SYN2: variants seen among roughly 807,000 people sequenced by gnomAD.
The protein encoded by SYN2 is synapsin-2.
SYN2 carries 19 observed loss-of-function variants against 50.9 expected under a neutral mutation model. That is an observed-to-expected ratio of 0.37 (90% CI 0.26 to 0.55). The LOEUF is 0.55. SYN2 is among the 20% of genes least tolerant of loss of function. SYN2 has a pLI of 0.81. For synonymous variants in SYN2, 255 were observed against 224.9 expected, an observed-to-expected ratio of 1.13 and a Z score of -1.20; for missense variants, 587 against 576.4, an observed-to-expected ratio of 1.02 and a Z score of -0.19.
At chr3:12,090,592 T>C (rs964873541) in intron 1 of SYN2, among the ~76,000 whole-genome samples, 7 of 152,202 alleles carry the variant, frequency 4.6e-5, no homozygotes, top group African/African-American at 1.7e-4. Flanking sequence ...CAACTTTTAG[T>C]AACTGAGGCT....
In SYN2 at chr3:12,187,488, G is replaced by C; in HGVS notation, c.1489G>C (p.Ala497Pro). The C allele has an allele frequency of 6.4e-7, 1 of 1,553,500 alleles. No homozygotes were observed. The highest frequency in any genetic ancestry group is 8.7e-7 in the Non-Finnish European group (1 of 1,147,758). ...TTCCTCCTCTTCTTCCTCCTCCTCG[G>C]CTCCTCAGCGGCCGGGCGGCCCCAC... is the stretch of plus-strand genomic sequence containing the variant. ...SSSSSSSSSS[A>P]PQRPGGPTTH... is the part of the protein sequence containing the mutation. The change falls in exon 12 of 13, where the codon GCT becomes CCT. Residue 497 changes from alanine to proline, a missense_variant. By Grantham distance (27) the Ala-to-Pro change is conservative. Coordinates refer to ENST00000621198, the MANE Select transcript of SYN2 (RefSeq NM_133625.6).
chr3:12,038,015 C>T (rs996263086), intron 1 of SYN2, among the ~76,000 whole-genome samples: 2 of 152,102 alleles, frequency 1.3e-5, no homozygotes, highest in South Asian at 4.1e-4. Flanking sequence ...CCTATATTTT[C>T]TTCTAATAGT....
At chr3:12,148,885 C>A (rs1697214842) in intron 4 of SYN2, among the ~76,000 whole-genome samples, 1 of 152,196 alleles carries the variant, frequency 6.6e-6, no homozygotes, top group Non-Finnish European at 1.5e-5. Context: ...AACAGCACCC[C>A]CAGCTCCCAA....
chr3:12,016,209 T>C (rs1283211817), intron 1 of SYN2, among the ~76,000 whole-genome samples: 1 of 152,200 alleles, frequency 6.6e-6, no homozygotes, highest in Non-Finnish European at 1.5e-5. Flanking sequence ...GAATAGCTAA[T>C]GGTGAGAATT....
chr3:12,167,528 C>G (rs1044541866), intron 8 of SYN2, among the ~76,000 whole-genome samples: 36 of 152,272 alleles, frequency 2.4e-4, no homozygotes, highest in Admixed American at 2.1e-3. Context: ...TAAAAGCTTC[C>G]TGAGGCCTCA....
Position 12,142,096 on chromosome 3 carries a change from G to C in SYN2, c.527+100G>C. On this transcript the variant is annotated intron_variant, in intron 3 of 12. Transcript: ENST00000621198. ...CTAAGTCAGGTGTTGGAGTGAGATA[G>C]CAGTGCTATGTATGGTATACAGAAT... 9 of 727,410 alleles carry C rather than the reference G, an allele frequency of 1.2e-5. No individual in the cohort carries two copies. In the South Asian group the frequency reaches 1.3e-4, roughly 11 times the overall value. The allele number at this position is 727,410 out of a possible 1,614,324, so 45.1% of individuals were successfully genotyped here.
At chr3:12,021,046 A>G (rs543504314) in intron 1 of SYN2, among the ~76,000 whole-genome samples, 2 of 152,216 alleles carry the variant, frequency 1.3e-5, no homozygotes, top group African/African-American at 4.8e-5. Context: ...TACTCTAGCT[A>G]TAACTTCATA....
intron 1 of SYN2, among the ~76,000 whole-genome samples, chr3:12,023,906 G>A (rs541271345): frequency 3.2e-4 from 49 of 152,184 alleles, no homozygotes; most frequent in African/African-American, 1.1e-3. Flanking sequence ...TCTTGAGAGT[G>A]TAGTCCTGGG....
chr3:12,057,277 G>A (rs1162253615), intron 1 of SYN2, among the ~76,000 whole-genome samples: 1 of 137,660 alleles, frequency 7.3e-6, no homozygotes, highest in African/African-American at 2.7e-5. Flanking sequence ...GGGCGACAAG[G>A]CAAGACTGTC....
Position 12,158,878 on chromosome 3 carries a change from G to T in SYN2, c.775-2668G>T, listed in dbSNP as rs768290509. ...CCGCGACTGAGCCTGTGAGGTCTGGGGGACTGGACGGCCCCAGCAGGGCTC... is the reference window on the plus strand; with the variant it reads ...CCGCGACTGAGCCTGTGAGGTCTGGTGGACTGGACGGCCCCAGCAGGGCTC... On this transcript the variant is annotated intron_variant, in intron 5 of 12. Transcript: ENST00000621198. 6 of 1,503,066 alleles carry T rather than the reference G, an allele frequency of 4.0e-6. No homozygotes were observed. In the South Asian group the frequency reaches 6.5e-5, roughly 16 times the overall value. The allele number at this position is 1,503,066 out of a possible 1,614,324, so 93.1% of individuals were successfully genotyped here.
intron 5 of SYN2, among the ~76,000 whole-genome samples, chr3:12,161,110 A>G (rs1418296940): frequency 6.6e-6 from 1 of 152,234 alleles, no homozygotes; most frequent in Non-Finnish European, 1.5e-5. Flanking sequence ...TGTAGGTACC[A>G]AGAGGGTACA....
At chr3:12,099,977 A>AAAAAAAC (rs1696035952) in intron 1 of SYN2, among the ~76,000 whole-genome samples, 1 of 150,236 alleles carries the variant, frequency 6.7e-6, no homozygotes, top group Admixed American at 6.6e-5. Context: ...AAAAAAAAGA[A>AAAAAAAC]AAAAAAAAAG....
chr3:12,117,794 G>A (rs160208), intron 1 of SYN2, among the ~76,000 whole-genome samples: 124,543 of 152,166 alleles, frequency 0.82, 51,582 homozygotes, highest in Middle Eastern at 0.93. Flanking sequence ...CCCTGAAGTT[G>A]GCAGCATCTT....
At chr3:12,080,233 T>G (rs1342045797) in intron 1 of SYN2, among the ~76,000 whole-genome samples, 1 of 152,154 alleles carries the variant, frequency 6.6e-6, no homozygotes, top group Non-Finnish European at 1.5e-5. Flanking sequence ...TTTATGAATT[T>G]TTTCAAAACA....
intron 1 of SYN2, among the ~76,000 whole-genome samples, chr3:12,039,493 C>G (rs976623227): frequency 4.7e-5 from 7 of 150,196 alleles, no homozygotes; most frequent in Non-Finnish European, 7.4e-5. Flanking sequence ...TCAGTTTTCA[C>G]TGTATTCTTG....
At chr3:12,071,329 T>G (rs955840751) in intron 1 of SYN2, 12 of 570,380 alleles carry the variant, frequency 2.1e-5, no homozygotes, top group African/African-American at 1.9e-4. Context: ...GTACAACAAG[T>G]TGGCCCCTCC....
chr3:12,037,417 CCA>C (rs941053572), intron 1 of SYN2, among the ~76,000 whole-genome samples: 5 of 152,192 alleles, frequency 3.3e-5, no homozygotes, highest in African/African-American at 1.2e-4. Context: ...TAACAGAATA[CCA>C]CAGACTGGAT....
chr3:12,029,266 T>TG (rs1331077581), intron 1 of SYN2, among the ~76,000 whole-genome samples: 1 of 132,396 alleles, frequency 7.6e-6, no homozygotes, highest in Non-Finnish European at 1.5e-5. Context: ...ACCATGCTGT[T>TG]TTGGTTACTG....
intron 1 of SYN2, among the ~76,000 whole-genome samples, chr3:12,034,076 A>G (rs1366600506): frequency 1.3e-5 from 2 of 152,176 alleles, no homozygotes; most frequent in Non-Finnish European, 2.9e-5. Context: ...TTATATAGTA[A>G]TTTTATTTTT....
Sources: gnomAD v4.1 joint callset for allele counts (sites outside exome capture counted in the v4.1 genomes callset) on GRCh38, gnomAD v4.1.1 for gene constraint, MANE v1.5 for transcripts, NCBI Gene and HGNC (gene_info 2026-07-23, HGNC 2026-07-21) for gene names.